PPFIA1: variants seen among roughly 807,000 people sequenced by gnomAD.
The protein encoded by PPFIA1 is PPFI scaffold protein A1.
PPFIA1 carries 25 observed loss-of-function variants against 149.9 expected under a neutral mutation model. The ratio of observed to expected loss-of-function variants is 0.17; its 90% CI spans 0.12 to 0.23. PPFIA1 has a LOEUF of 0.23. PPFIA1 is among the 10% of genes least tolerant of loss of function. PPFIA1 has a pLI of 1.00. For missense variants in PPFIA1, 1,362 were observed against 1,506.5 expected, an observed-to-expected ratio of 0.90 and a Z score of 1.59; for synonymous variants, 549 against 552.8, an observed-to-expected ratio of 0.99 and a Z score of 0.10.
intron 2 of PPFIA1, among the ~76,000 whole-genome samples, chr11:70,303,217 T>C (rs1056597732): frequency 3.3e-5 from 5 of 152,180 alleles, no homozygotes; most frequent in African/African-American, 1.2e-4. Context: ...CGGGCAGCCC[T>C]ACCGCGTGTT....
intron 16 of PPFIA1, among the ~76,000 whole-genome samples, chr11:70,350,577 A>C (rs1010024261): frequency 3.9e-5 from 6 of 152,318 alleles, no homozygotes; most frequent in Admixed American, 1.3e-4. Context: ...CAGGTGATTA[A>C]CTAAAAGTAG....
intron 9 of PPFIA1, chr11:70,333,115 T>C (rs1338267024): frequency 2.1e-6 from 1 of 473,292 alleles, no homozygotes; most frequent in Non-Finnish European, 4.2e-6. Flanking sequence ...GGTGCACTGC[T>C]CCTTGCTTGT....
At chr11:70,333,205 TG>T (rs1219545580) in intron 9 of PPFIA1, 6 of 554,864 alleles carry the variant, frequency 1.1e-5, no homozygotes, top group Non-Finnish European at 2.1e-5. Flanking sequence ...CCATTGAGAT[TG>T]GGCATAGGGG....
intron 2 of PPFIA1, among the ~76,000 whole-genome samples, chr11:70,290,808 A>G (rs2051472924): frequency 6.6e-6 from 1 of 152,256 alleles, no homozygotes. Context: ...TCAAGTAGTG[A>G]CATGCTGAAG....
intron 2 of PPFIA1, among the ~76,000 whole-genome samples, chr11:70,307,890 C>A (rs554800176): frequency 6.6e-6 from 1 of 152,326 alleles, no homozygotes; most frequent in African/African-American, 2.4e-5. Flanking sequence ...TACAGCACGG[C>A]ACTCCAGCCT....
intron 16 of PPFIA1, among the ~76,000 whole-genome samples, chr11:70,352,978 A>G (rs1202958181): frequency 6.6e-6 from 1 of 152,052 alleles, no homozygotes; most frequent in East Asian, 1.9e-4. Context: ...TTTTAACCTG[A>G]ATTTTGAAAC....
intron 5 of PPFIA1, among the ~76,000 whole-genome samples, chr11:70,326,003 CCA>C (rs2054256633): frequency 6.6e-6 from 1 of 151,920 alleles, no homozygotes; most frequent in African/African-American, 2.4e-5. Context: ...ACTTATCTTC[CCA>C]ATTGAGGACC....
rs745743813 is a variant in PPFIA1, at chr11:70,378,144, ACTT to A, written c.3505_3507del (p.Ser1169del). On this transcript the variant is annotated inframe_deletion, in exon 26 of 28. Coordinates refer to ENST00000253925, the MANE Select transcript of PPFIA1 (RefSeq NM_003626.5). ...GACTCTCCCTGCAAACTTCCGGGTGACTTCTTCTATGTCTTCCCCCTCTATGCA... is the reference window on the plus strand; with the variant it reads ...GACTCTCCCTGCAAACTTCCGGGTGACTTCTATGTCTTCCCCCTCTATGCA... 5.6e-6 allele frequency: 9 copies of A among 1,614,150 alleles called. No homozygotes were observed. Among genetic ancestry groups the A allele is most frequent in the South Asian group, 2.2e-5 (2 of 91,080 alleles).
intron 2 of PPFIA1, among the ~76,000 whole-genome samples, chr11:70,276,419 A>G (rs1243730741): frequency 6.6e-6 from 1 of 152,040 alleles, no homozygotes; most frequent in Non-Finnish European, 1.5e-5. Context: ...TTACTGGATT[A>G]TATTTGGTAG....
chr11:70,339,144 T>A (rs1293828258), intron 13 of PPFIA1, 27 bp from the exon 14 acceptor site: 2 of 1,611,010 alleles, frequency 1.2e-6, no homozygotes, highest in African/African-American at 2.7e-5. Context: ...CTTCTAATAA[T>A]GATCATTCTT....
chr11:70,362,665 A>G (rs952828082), intron 21 of PPFIA1, 177 bp downstream of exon 21: 3 of 495,486 alleles, frequency 6.1e-6, no homozygotes, highest in African/African-American at 3.9e-5. Flanking sequence ...TGGATGGTCA[A>G]AAGAAACTTT....
At chr11:70,361,177 A>C (rs994577417) in intron 19 of PPFIA1, among the ~76,000 whole-genome samples, 1 of 152,218 alleles carries the variant, frequency 6.6e-6, no homozygotes, top group Non-Finnish European at 1.5e-5. Flanking sequence ...GATGGTGTTG[A>C]TACTGTTAAA....
intron 2 of PPFIA1, among the ~76,000 whole-genome samples, chr11:70,312,162 G>C (rs2053326698): frequency 6.6e-6 from 1 of 151,678 alleles, no homozygotes; most frequent in African/African-American, 2.4e-5. Flanking sequence ...GCATTTTGTT[G>C]TCTTTTTTTA....
intron 17 of PPFIA1, among the ~76,000 whole-genome samples, 158 bp from the exon 18 acceptor site, chr11:70,355,481 T>C (rs1221900579): frequency 6.6e-6 from 1 of 152,200 alleles, no homozygotes; most frequent in East Asian, 1.9e-4. Flanking sequence ...GTCTCCGCGC[T>C]GGCCTCGCCG....
At position 70,335,698 on chromosome 11, in the gene PPFIA1, A is replaced by T; in HGVS notation, c.1428+4A>T. 1 of 1,613,772 alleles carries T rather than the reference A, an allele frequency of 6.2e-7. No individual in the cohort carries two copies. Among genetic ancestry groups the T allele is most frequent in the South Asian group, 1.1e-5 (1 of 91,046 alleles). The stretch of plus-strand genomic sequence containing the variant: ...AATGGCTGCTTTGGAAGATAAGGTA[A>T]GTTAGATAACACGGACATGCTGGAG... On this transcript the variant is annotated splice_donor_region_variant and intron_variant, in intron 11 of 27. Coordinates refer to ENST00000253925, the MANE Select transcript of PPFIA1 (RefSeq NM_003626.5).
intron 2 of PPFIA1, among the ~76,000 whole-genome samples, chr11:70,275,189 T>G (rs2050312891): frequency 6.6e-6 from 1 of 152,242 alleles, no homozygotes; most frequent in South Asian, 2.1e-4. Flanking sequence ...TGCTCCCTGA[T>G]GGCCAGGAAC....
chr11:70,330,487 A>G (rs2054588408), intron 8 of PPFIA1, among the ~76,000 whole-genome samples, 168 bp downstream of exon 8: 1 of 152,180 alleles, frequency 6.6e-6, no homozygotes, highest in Non-Finnish European at 1.5e-5. Flanking sequence ...AGAGGTTTTG[A>G]TTACGTAGGA....
At chr11:70,275,781 C>A (rs1385229219) in intron 2 of PPFIA1, among the ~76,000 whole-genome samples, 1 of 152,148 alleles carries the variant, frequency 6.6e-6, no homozygotes, top group East Asian at 1.9e-4. Context: ...GCACAAATAG[C>A]ACAATGTCTA....
chr11:70,311,697 G>C (rs987495482), intron 2 of PPFIA1, among the ~76,000 whole-genome samples: 1 of 152,044 alleles, frequency 6.6e-6, no homozygotes, highest in Non-Finnish European at 1.5e-5. Flanking sequence ...TGATTGTTAC[G>C]GTTGTGGACC....
Sources: allele counts gnomAD v4.1 joint callset (sites outside exome capture counted in the v4.1 genomes callset), GRCh38; gene constraint gnomAD v4.1.1; transcripts MANE v1.5; gene names NCBI Gene and HGNC (gene_info 2026-07-23, HGNC 2026-07-21).